The following ZNF616 variants were observed in gnomAD, a reference collection of about 807,000 sequenced individuals.
ZNF616 encodes zinc finger protein 616.
ZNF616 carries 5 observed loss-of-function variants against 7.6 expected under a neutral mutation model. The observed-to-expected ratio is 0.66, with a 90% CI of 0.34 to 1.38. ZNF616 has a LOEUF of 1.38. ZNF616 is among the 40% of genes most tolerant of loss of function. The pLI is 0.04. For missense variants in ZNF616, 913 were observed against 948.3 expected (o/e 0.96, Z 0.49); for synonymous variants, 319 against 317.2 (o/e 1.01, Z -0.06).
In ZNF616 at chr19:52,121,312, A is replaced by T. The variant is rs970971442; in HGVS notation, c.139+2611T>A. Among the ~76,000 whole-genome samples, 4 of 152,202 alleles carry T rather than the reference A, an allele frequency of 2.6e-5. No homozygotes were observed. In the South Asian group the frequency reaches 8.3e-4, roughly 31 times the overall value. ...TCGTTTAACACATTTTAAAGACTGA[A>T]ATCATAAAGTGTAACTTATCCCTTC... On this transcript the variant is annotated intron_variant, in intron 3 of 3. Transcript: ENST00000600228.
chr19:52,116,709 T>G lies in ZNF616; in HGVS notation c.455A>C (p.Gln152Pro). Residue 152 changes from glutamine to proline, a missense_variant, in exon 4 of 4, where the codon CAG becomes CCG. By Grantham distance (76) the Gln-to-Pro change is moderately conservative. Coordinates refer to ENST00000600228, the MANE Select transcript of ZNF616 (RefSeq NM_178523.5). ...SNFESRLAEL[Q>P]KVQTEGRLYE... ...AAGTCTCCCTTCAGTTTGAACTTTC[T>G]GCAGTTCAGCCAGACGTGACTCAAA... 2 of 1,614,184 alleles carry G rather than the reference T, an allele frequency of 1.2e-6. No individual in the cohort carries two copies. Among genetic ancestry groups the G allele is most frequent in the Non-Finnish European group, 1.7e-6 (2 of 1,180,024 alleles).
intron 3 of ZNF616, among the ~76,000 whole-genome samples, chr19:52,123,431 C>T (rs975981994): frequency 3.9e-5 from 6 of 152,038 alleles, no homozygotes; most frequent in Non-Finnish European, 5.9e-5. Context: ...CAGAGAATTC[C>T]TTGAGCCCAT....
At chr19:52,121,157 C>T (rs146402436) in intron 3 of ZNF616, among the ~76,000 whole-genome samples, 3 of 152,330 alleles carry the variant, frequency 2.0e-5, no homozygotes, top group African/African-American at 4.8e-5. Context: ...CAGGTTCAAG[C>T]GATTCTCCTG....
chr19:52,125,283 G>C (rs774996079), intron 2 of ZNF616, among the ~76,000 whole-genome samples: 20 of 152,154 alleles, frequency 1.3e-4, no homozygotes, highest in Non-Finnish European at 2.5e-4. Flanking sequence ...TCAAAAATGT[G>C]TTTCATCCTG....
At chr19:52,119,387 G>GA (rs1036535405) in intron 3 of ZNF616, among the ~76,000 whole-genome samples, 23 of 151,206 alleles carry the variant, frequency 1.5e-4, no homozygotes, top group African/African-American at 5.6e-4. Context: ...AAAAAAAAAA[G>GA]AAAAAAGAAA....
rs745637835 is a variant in ZNF616 at position 52,115,682 on chromosome 19, T to C, written c.1482A>G (p.Lys494=). 5.6e-6 allele frequency: 9 copies of C among 1,614,160 alleles called. No individual in the cohort carries two copies. Among genetic ancestry groups the C allele is most frequent in the Non-Finnish European group, 7.6e-6 (9 of 1,179,990 alleles). ...TGAAGACCTTGCCACATTCATTGCA[T>C]TTGTAAGGTTTCTCTCCAGTATGAA... is the stretch of plus-strand genomic sequence containing the variant. ...QRIHTGEKPY[K]CNECGKVFSQ... is the part of the protein sequence containing the mutation. The change falls in exon 4 of 4, where the codon AAA becomes AAG. Residue 494 remains lysine (K), a synonymous_variant. Transcript: ENST00000600228.
At chr19:52,120,719 GAA>G (rs1259786398) in intron 3 of ZNF616, among the ~76,000 whole-genome samples, 1 of 152,116 alleles carries the variant, frequency 6.6e-6, no homozygotes, top group African/African-American at 2.4e-5. Flanking sequence ...AAGAGACAAA[GAA>G]GAGCATTATC....
Position 52,130,529 on chromosome 19 carries a change from T to G in ZNF616, c.-17A>C. 6.2e-7 allele frequency: 1 copy of G among 1,603,528 alleles called. No individual in the cohort carries two copies. The highest frequency in any genetic ancestry group is 8.5e-7 in the Non-Finnish European group (1 of 1,176,016). ...AGTAGCCATCACTGACTCCTTTTCCTTCCTCTTCTTCCTCTTCTGGGTTTC... is the reference window on the plus strand; with the variant it reads ...AGTAGCCATCACTGACTCCTTTTCCGTCCTCTTCTTCCTCTTCTGGGTTTC... On this transcript the variant is annotated 5_prime_UTR_variant, in exon 2 of 4. Coordinates refer to ENST00000600228, the MANE Select transcript of ZNF616 (RefSeq NM_178523.5).
rs1437821147 is a variant in ZNF616, at chr19:52,139,045, C to T, written c.-77+687G>A. On this transcript the variant is annotated intron_variant, in intron 1 of 3. Transcript: ENST00000600228. The surrounding 1 kb of genome is among the most constrained non-coding windows in gnomAD (Gnocchi z 4.1). ...TCCCCGTGCTACTTTCTCCATGCGT[C>T]CTCTTGCACTCTTGCTCTCTTTGCC... Among the ~76,000 whole-genome samples the T allele has an allele frequency of 6.6e-6, 1 of 152,192 alleles. No homozygotes were observed. Among genetic ancestry groups the T allele is most frequent in the Admixed American group, 6.5e-5 (1 of 15,274 alleles).
intron 1 of ZNF616, among the ~76,000 whole-genome samples, chr19:52,135,441 T>C (rs1313356354): frequency 1.3e-5 from 2 of 152,162 alleles, no homozygotes; most frequent in Middle Eastern, 3.2e-3. Context: ...ATATTGACAT[T>C]TAGATAGTCC....
At chr19:52,131,609 T>C (rs1176685134) in intron 1 of ZNF616, among the ~76,000 whole-genome samples, 1 of 152,156 alleles carries the variant, frequency 6.6e-6, no homozygotes, top group African/African-American at 2.4e-5. Flanking sequence ...ACCTCATTCT[T>C]AAAATGAAAG....
intron 1 of ZNF616, among the ~76,000 whole-genome samples, chr19:52,134,621 C>A (rs8102485): frequency 0.46 from 69,540 of 152,004 alleles, 16,608 homozygotes; most frequent in African/African-American, 0.57. Flanking sequence ...AAATTGAATT[C>A]TAAGGCAATC....
intron 1 of ZNF616, among the ~76,000 whole-genome samples, chr19:52,130,840 T>C (rs1461002796): frequency 6.6e-6 from 1 of 152,234 alleles, no homozygotes; most frequent in Non-Finnish European, 1.5e-5. Flanking sequence ...GAGCTCCCAT[T>C]CAGGGCACGG....
At chr19:52,128,664 C>G (rs1460283761) in intron 2 of ZNF616, among the ~76,000 whole-genome samples, 1 of 151,500 alleles carries the variant, frequency 6.6e-6, no homozygotes, top group Admixed American at 6.6e-5. Context: ...ATCGCTTGAA[C>G]CTGGGAGGCG....
At chr19:52,128,162 A>G (rs10084117) in intron 2 of ZNF616, among the ~76,000 whole-genome samples, 10,812 of 150,296 alleles carry the variant, frequency 0.072, 574 homozygotes, top group African/African-American at 0.15. Flanking sequence ...CCAACGACAC[A>G]TATTGGGTGG....
In ZNF616 at chr19:52,115,302, T is replaced by C. The variant is rs116130534; in HGVS notation, c.1862A>G (p.Asn621Ser). 3.5e-4 allele frequency: 570 copies of C among 1,613,602 alleles called. 5 individuals are homozygous for C. In the East Asian group the frequency reaches 6.3e-3, roughly 18 times the overall value. ...TCCGGTATGAATTCTCTGATGTCTATTGAGTGTGGAGCCCTGATTAAAGGC... is the reference window on the plus strand; with the variant it reads ...TCCGGTATGAATTCTCTGATGTCTACTGAGTGTGGAGCCCTGATTAAAGGC... Reference protein sequence around the residue: ...GKAFNQGSTLNRHQRIHTGEK... With the variant: ...GKAFNQGSTLSRHQRIHTGEK... Residue 621 changes from asparagine to serine, a missense_variant, in exon 4 of 4, where the codon AAT (asparagine) becomes AGT (serine). Physicochemically the swap from Asn to Ser is conservative, Grantham distance 46. Coordinates refer to ENST00000600228, the MANE Select transcript of ZNF616 (RefSeq NM_178523.5).
At position 52,114,718 on chromosome 19, in the gene ZNF616, G is replaced by C; in HGVS notation, c.*100C>G. On this transcript the variant is annotated 3_prime_UTR_variant, in exon 4 of 4. Transcript: ENST00000600228. ...CCCAATGGGCCCCACCTCCAATACT[G>C]GAGATTACAATTCCACAGGGATTTC... 2.9e-6 allele frequency: 4 copies of C among 1,391,236 alleles called. No homozygotes were observed. The highest frequency in any genetic ancestry group is 3.9e-6 in the Non-Finnish European group (4 of 1,032,806). 86.2% of individuals were successfully genotyped at this position (1,391,236 alleles called of 1,614,324 possible).
chr19:52,113,132 C>A lies in ZNF616; in HGVS notation c.*1686G>T, dbSNP rs2088786059. 2 of 152,206 alleles carry A rather than the reference C, an allele frequency of 1.3e-5. No homozygotes were observed. The highest frequency in any genetic ancestry group is 4.8e-5 in the African/African-American group (2 of 41,450). The allele number at this position is 152,206 out of a possible 1,614,324, so 9.4% of individuals were successfully genotyped here. ...ATAAACTGAATGAGCCATTTTCACACATGCACTTGCTCCTTTAAAATACAT... is the reference window on the plus strand; with the variant it reads ...ATAAACTGAATGAGCCATTTTCACAAATGCACTTGCTCCTTTAAAATACAT... On this transcript the variant is annotated 3_prime_UTR_variant, in exon 4 of 4. Transcript: ENST00000600228.
Position 52,115,338 on chromosome 19 carries a change from T to G in ZNF616, c.1826A>C (p.Glu609Ala), listed in dbSNP as rs775701113. Residue 609 changes from glutamate (E) to alanine (A), a missense_variant, in exon 4 of 4, where the codon GAA becomes GCA. Physicochemically the swap from Glu to Ala is moderately radical, Grantham distance 107. Coordinates refer to ENST00000600228, the MANE Select transcript of ZNF616 (RefSeq NM_178523.5). The part of the protein sequence containing the change: ...HTGEKPYKCH[E>A]CGKAFNQGST... ...GCCCTGATTAAAGGCTTTGCCACAT[T>G]CATGACATTTGTATGGTTTCTCTCC... 2 of 1,614,152 alleles carry G rather than the reference T, an allele frequency of 1.2e-6. No homozygotes were observed. Among genetic ancestry groups the G allele is most frequent in the Admixed American group, 1.7e-5 (1 of 60,004 alleles).
Sources: allele counts gnomAD v4.1 joint callset (sites outside exome capture counted in the v4.1 genomes callset), GRCh38; gene constraint gnomAD v4.1.1; non-coding constraint Gnocchi (gnomAD v3.1); transcripts MANE v1.5; gene names NCBI Gene and HGNC (gene_info 2026-07-23, HGNC 2026-07-21).